Variants in EFHC1 observed in about 807,000 individuals in gnomAD.
EFHC1 encodes the protein EF-hand domain-containing protein 1.
A neutral mutation model predicts 69.9 loss-of-function variants in EFHC1; 53 were observed. The observed-to-expected ratio is 0.76, with a 90% CI of 0.61 to 0.95. EFHC1 has a LOEUF of 0.95. Among genes scored for constraint, EFHC1 ranks in the 40% least tolerant of loss-of-function variants. The probability of loss-of-function intolerance (pLI) is 0.00; values close to 1 mark genes in which losing one functional copy is unlikely to be tolerated. For synonymous variants in EFHC1, 256 were observed against 278.4 expected (o/e 0.92, Z 0.80); for missense variants, 739 against 798.7 (o/e 0.93, Z 0.90).
At chr6:52,449,703 G>C (rs1764873173) in intron 3 of EFHC1, among the ~76,000 whole-genome samples, 1 of 152,100 alleles carries the variant, frequency 6.6e-6, no homozygotes. Context: ...TGTTTATTTA[G>C]ATCTTCTCTC....
intron 2 of EFHC1, among the ~76,000 whole-genome samples, chr6:52,431,565 G>A (rs1209882521): frequency 2.0e-5 from 3 of 152,132 alleles, no homozygotes; most frequent in Non-Finnish European, 2.9e-5. Context: ...GTCTGAGAGA[G>A]TGCTTGATAT....
chr6:52,420,365 G>GA lies in EFHC1; in HGVS notation c.-45dup. The GA allele has an allele frequency of 6.2e-7, 1 of 1,613,786 alleles. No individual in the cohort carries two copies. Among genetic ancestry groups the GA allele is most frequent in the Non-Finnish European group, 8.5e-7 (1 of 1,179,634 alleles). ...ACACTGCTTGTCGCCTGGGCAACCGGAGAGGACGAAGCAGGACCTAGGTGG... is the reference window on the plus strand; with the variant it reads ...ACACTGCTTGTCGCCTGGGCAACCGGAAGAGGACGAAGCAGGACCTAGGTGG... On this transcript the variant is annotated 5_prime_UTR_variant, in exon 1 of 11. Transcript: ENST00000371068.
At position 52,493,666 on chromosome 6, in the gene EFHC1, A is replaced by T. The variant is rs1376503463; in HGVS notation, c.*1325A>T. ...GCAAGACTCCATCTCAAAAAAAAAAAGGTTAGAAAAATGCTGCTTTTAGAG... is the reference window on the plus strand; with the variant it reads ...GCAAGACTCCATCTCAAAAAAAAAATGGTTAGAAAAATGCTGCTTTTAGAG... On this transcript the variant is annotated 3_prime_UTR_variant, in exon 11 of 11. Transcript: ENST00000371068. 6.6e-6 allele frequency: 3 copies of T among 452,532 alleles called. No homozygotes were observed. The highest frequency in any genetic ancestry group is 6.0e-5 in the African/African-American group (3 of 49,678). 28.0% of individuals were successfully genotyped at this position (452,532 alleles called of 1,614,324 possible).
intron 4 of EFHC1, chr6:52,453,850 T>G: frequency 7.4e-7 from 1 of 1,346,504 alleles, no homozygotes; most frequent in Non-Finnish European, 9.7e-7. Flanking sequence ...AAGTGAGCTC[T>G]TCTTTTTTGG....
intron 3 of EFHC1, 78 bp downstream of exon 3, chr6:52,438,669 G>A (rs887973224): frequency 4.1e-6 from 6 of 1,471,914 alleles, no homozygotes; most frequent in Non-Finnish European, 4.7e-6. Context: ...CATTTATTAG[G>A]GTAAGGGGAG....
chr6:52,470,178 T>C (rs1353898229), intron 7 of EFHC1, among the ~76,000 whole-genome samples: 1 of 152,084 alleles, frequency 6.6e-6, no homozygotes, highest in Non-Finnish European at 1.5e-5. Context: ...ATACATGTAT[T>C]TGAAAAGATA....
chr6:52,453,139 T>A (rs1382016340), intron 4 of EFHC1: 1 of 1,381,976 alleles, frequency 7.2e-7, no homozygotes, highest in Non-Finnish European at 9.5e-7. Context: ...ACGTTTCCAA[T>A]TGACAATTTC....
chr6:52,461,093 G>A (rs1581835679), intron 5 of EFHC1, among the ~76,000 whole-genome samples: 1 of 152,034 alleles, frequency 6.6e-6, no homozygotes, highest in Admixed American at 6.6e-5. Flanking sequence ...TAACTTTTAA[G>A]TTCAGGGGTA....
intron 3 of EFHC1, 102 bp from the exon 4 acceptor site, chr6:52,452,586 G>A: frequency 1.5e-6 from 2 of 1,376,354 alleles, no homozygotes; most frequent in Non-Finnish European, 2.0e-6. Context: ...GTAGGCCTGA[G>A]CCACAGTGCC....
intron 3 of EFHC1, among the ~76,000 whole-genome samples, chr6:52,441,925 G>T (rs1474814309): frequency 1.3e-5 from 2 of 152,130 alleles, no homozygotes; most frequent in Admixed American, 1.3e-4. Flanking sequence ...GTATAGGAGT[G>T]CTAGTGATTT....
At position 52,493,365 on chromosome 6, in the gene EFHC1, C is replaced by CACATATAT; in HGVS notation, c.*1025_*1026insCATATATA. 4 of 162,966 alleles carry CACATATAT rather than the reference C, an allele frequency of 2.5e-5. No homozygotes were observed. Among genetic ancestry groups the CACATATAT allele is most frequent in the South Asian group, 1.9e-4 (3 of 15,738 alleles). 10.1% of individuals were successfully genotyped at this position (162,966 alleles called of 1,614,324 possible). The stretch of plus-strand genomic sequence containing the variant: ...ATAACTCTCTCTTTCTCTCTCTCTA[C>CACATATAT]ATATATATATATATATATATTTTAT... On this transcript the variant is annotated 3_prime_UTR_variant, in exon 11 of 11. Transcript: ENST00000371068.
intron 9 of EFHC1, chr6:52,486,120 A>G (rs1324198483): frequency 1.3e-5 from 2 of 152,170 alleles, no homozygotes; most frequent in Non-Finnish European, 2.9e-5. Context: ...ATATTTTGCC[A>G]CTCATTGCAG....
chr6:52,490,474 A>G (rs1455743846), intron 10 of EFHC1, 124 bp downstream of exon 10: 21 of 811,334 alleles, frequency 2.6e-5, no homozygotes, highest in East Asian at 7.8e-5. Context: ...GATCAGATCT[A>G]CTATTCTGTC....
intron 3 of EFHC1, among the ~76,000 whole-genome samples, chr6:52,448,058 C>G (rs1000853455): frequency 3.3e-5 from 5 of 152,248 alleles, no homozygotes; most frequent in African/African-American, 1.2e-4. Context: ...GTTCTCAGAT[C>G]TCAAACTTCG....
Position 52,423,928 on chromosome 6 carries a change from C to T in EFHC1, c.64-18C>T, listed in dbSNP as rs778636613. On this transcript the variant is annotated intron_variant, in intron 1 of 10. Transcript: ENST00000371068. ...TATTTGTCTAATGTTATTAATGACA[C>T]ATTCTTTTCTTCTTCAGAAAACAGC... 6.2e-7 allele frequency: 1 copy of T among 1,612,922 alleles called. No individual in the cohort carries two copies. The highest frequency in any genetic ancestry group is 8.5e-7 in the Non-Finnish European group (1 of 1,179,132).
intron 9 of EFHC1, chr6:52,484,519 G>T (rs1462239965): frequency 6.6e-6 from 1 of 152,164 alleles, no homozygotes; most frequent in South Asian, 2.1e-4. Flanking sequence ...AAGATGACTG[G>T]ATTTTCATGT....
chr6:52,495,490 T>A lies in EFHC1; in HGVS notation c.*3149T>A. On this transcript the variant is annotated 3_prime_UTR_variant, in exon 11 of 11. Transcript: ENST00000371068. The stretch of plus-strand genomic sequence containing the variant: ...GCAAATCTGCAACATATGGATATAT[T>A]TGCCAATTTTTGTCCTCAGCTTTGG... 2.2e-6 allele frequency: 1 copy of A among 454,142 alleles called. No individual in the cohort carries two copies. The highest frequency in any genetic ancestry group is 4.4e-6 in the Non-Finnish European group (1 of 226,796). The allele number at this position is 454,142 out of a possible 1,614,324, so 28.1% of individuals were successfully genotyped here.
chr6:52,484,437 A>C (rs1346050269), intron 9 of EFHC1: 2 of 152,230 alleles, frequency 1.3e-5, no homozygotes, highest in East Asian at 3.8e-4. Context: ...CAAACAAAAA[A>C]AATTTAGTGA....
At chr6:52,455,022 G>A (rs1222010367) in intron 5 of EFHC1, among the ~76,000 whole-genome samples, 2 of 151,958 alleles carry the variant, frequency 1.3e-5, no homozygotes. Context: ...AGCCTGGGAG[G>A]TCGAGGCTGC....
Sources: allele counts gnomAD v4.1 joint callset (sites outside exome capture counted in the v4.1 genomes callset), GRCh38; gene constraint gnomAD v4.1.1; transcripts MANE v1.5; gene names NCBI Gene and HGNC (gene_info 2026-07-23, HGNC 2026-07-21).